Variants in SLC6A20 observed in about 807,000 individuals in gnomAD.
SLC6A20 encodes solute carrier family 6 member 20, also known as sodium- and chloride-dependent transporter XTRP3.
Under a neutral mutation model 64.3 loss-of-function variants are expected in SLC6A20, and 73 were observed. That is an observed-to-expected ratio of 1.14 (90% confidence interval 0.94 to 1.38). SLC6A20 has a LOEUF of 1.38. SLC6A20 is among the 40% of genes most tolerant of loss of function. The probability of loss-of-function intolerance (pLI) is 0.00; values close to 1 mark genes in which losing one functional copy is unlikely to be tolerated. For missense variants in SLC6A20, 725 were observed against 772.8 expected (o/e 0.94, Z 0.73); for synonymous variants, 347 against 329.6 (o/e 1.05, Z -0.57).
chr3:45,796,192 T>C, intron 1 of SLC6A20, 107 bp downstream of exon 1: 1 of 1,498,500 alleles, frequency 6.7e-7, no homozygotes, highest in South Asian at 1.3e-5. Context: ...ACGCTCGCTT[T>C]CCCGGCCTCA....
At chr3:45,786,908 C>T (rs548509840) in intron 1 of SLC6A20, among the ~76,000 whole-genome samples, 15 of 152,310 alleles carry the variant, frequency 9.8e-5, no homozygotes, top group Admixed American at 9.1e-4. Flanking sequence ...CTTACAGTCA[C>T]AGAATTATTG....
chr3:45,796,166 T>A, intron 1 of SLC6A20, 133 bp downstream of exon 1: 2 of 1,470,436 alleles, frequency 1.4e-6, no homozygotes, highest in Non-Finnish European at 1.8e-6. Flanking sequence ...CCCGGGTCTG[T>A]AACTTCGGAC....
chr3:45,794,693 A>C (rs1700318280), intron 1 of SLC6A20, among the ~76,000 whole-genome samples: 4 of 152,216 alleles, frequency 2.6e-5, no homozygotes, highest in African/African-American at 9.7e-5. Flanking sequence ...TTAAGTAGTC[A>C]TGTGACAGTG....
chr3:45,785,236 T>C (rs1336584735), intron 1 of SLC6A20, among the ~76,000 whole-genome samples: 2 of 152,184 alleles, frequency 1.3e-5, no homozygotes. Context: ...GTAGTTGTGA[T>C]GGCTAATACT....
intron 8 of SLC6A20, among the ~76,000 whole-genome samples, chr3:45,764,802 A>G (rs1414404037): frequency 1.3e-5 from 2 of 151,972 alleles, no homozygotes; most frequent in Non-Finnish European, 1.5e-5. Flanking sequence ...AAGGGGTGTG[A>G]AGGAACTGTC....
At chr3:45,768,212 G>A (rs569994100) in intron 7 of SLC6A20, among the ~76,000 whole-genome samples, 1 of 151,912 alleles carries the variant, frequency 6.6e-6, no homozygotes, top group South Asian at 2.1e-4. Flanking sequence ...TCAAGATACT[G>A]TTTAACTTTA....
chr3:45,763,843 G>A (rs1304370882), intron 8 of SLC6A20, among the ~76,000 whole-genome samples: 3 of 152,156 alleles, frequency 2.0e-5, no homozygotes, highest in African/African-American at 7.2e-5. Context: ...CTTTCCACTA[G>A]CACACCGTAC....
chr3:45,794,640 C>T (rs1007522031), intron 1 of SLC6A20, among the ~76,000 whole-genome samples: 10 of 152,188 alleles, frequency 6.6e-5, no homozygotes, highest in African/African-American at 2.2e-4. Context: ...ACATGCATCC[C>T]TCTGCAGACT....
intron 1 of SLC6A20, among the ~76,000 whole-genome samples, chr3:45,786,021 C>A (rs1390006815): frequency 6.6e-6 from 1 of 152,182 alleles, no homozygotes; most frequent in East Asian, 1.9e-4. Context: ...GTGTGAGGGA[C>A]CTTCTGGCTG....
Position 45,777,186 on chromosome 3 carries a change from C to T in SLC6A20, c.355-1198G>A, listed in dbSNP as rs2125647791. Among the ~76,000 whole-genome samples the T allele has an allele frequency of 4.6e-5, 7 of 152,322 alleles. 1 individual carries two copies. In the South Asian group the frequency reaches 1.5e-3, roughly 32 times the overall value. ...CCACTGGGCTCAATCCCATATTTCACAGGAGACAGAACCAAGGCCCGGGGT... is the reference window on the plus strand; with the variant it reads ...CCACTGGGCTCAATCCCATATTTCATAGGAGACAGAACCAAGGCCCGGGGT... On this transcript the variant is annotated intron_variant, in intron 3 of 10. Transcript: ENST00000358525.
intron 1 of SLC6A20, among the ~76,000 whole-genome samples, chr3:45,785,706 C>A (rs867512460): frequency 6.6e-6 from 1 of 151,030 alleles, no homozygotes; most frequent in South Asian, 2.1e-4. Flanking sequence ...CAACTACATG[C>A]CTTAAAGGCA....
chr3:45,782,076 C>A lies in SLC6A20; in HGVS notation c.262+7G>T. The A allele has an allele frequency of 6.3e-7, 1 of 1,599,114 alleles. No individual in the cohort carries two copies. Among genetic ancestry groups the A allele is most frequent in the South Asian group, 1.1e-5 (1 of 88,444 alleles). On this transcript the variant is annotated splice_region_variant and intron_variant, in intron 2 of 10. Transcript: ENST00000358525. Reference sequence around the variant, plus strand: ...GGGTGGGAGAGGACTGGAGGGGCCCCACGTACCGACACCACTGAGGTACGG... The same window carrying A: ...GGGTGGGAGAGGACTGGAGGGGCCCAACGTACCGACACCACTGAGGTACGG...
chr3:45,793,999 T>C (rs1700300315), intron 1 of SLC6A20, among the ~76,000 whole-genome samples: 1 of 152,176 alleles, frequency 6.6e-6, no homozygotes, highest in African/African-American at 2.4e-5. Context: ...CTCCTGTGAC[T>C]CCATCACATC....
intron 3 of SLC6A20, among the ~76,000 whole-genome samples, chr3:45,777,455 T>C (rs1384355221): frequency 6.6e-6 from 1 of 152,220 alleles, no homozygotes; most frequent in African/African-American, 2.4e-5. Flanking sequence ...CCAGAAGTGG[T>C]GTCTCTTGCC....
Position 45,772,549 on chromosome 3 carries a change from G to A in SLC6A20, c.649C>T (p.Leu217Phe). ...ATGAGGCCATTGGTGGCTCCGTGGA[G>A]CGTGAGGCCCCTGATGAGGTAGATG... is the stretch of plus-strand genomic sequence containing the variant. Reference protein sequence around the residue: ...LIIYLIRGLTLHGATNGLMYM... With the variant: ...LIIYLIRGLTFHGATNGLMYM... Residue 217 changes from leucine (L) to phenylalanine (F), a missense_variant, in exon 5 of 11, where the codon CTC (leucine) becomes TTC (phenylalanine). Physicochemically the swap from Leu to Phe is conservative, Grantham distance 22. Coordinates refer to ENST00000358525, the MANE Select transcript of SLC6A20 (RefSeq NM_020208.4). 6.2e-7 allele frequency: 1 copy of A among 1,614,028 alleles called. No homozygotes were observed. The highest frequency in any genetic ancestry group is 8.5e-7 in the Non-Finnish European group (1 of 1,179,964).
At position 45,762,952 on chromosome 3, in the gene SLC6A20, A is replaced by G; in HGVS notation, c.1424T>C (p.Val475Ala). The stretch of plus-strand genomic sequence containing the variant: ...CACGTAGCACACGGCAATCGTCTCC[A>G]CCAGCACGATGAGCAGCAGGGACAG... ...ATLSLLLIVL[V>A]ETIAVCYVYG... The change falls in exon 9 of 11, where the codon GTG (valine) becomes GCG (alanine). Residue 475 changes from valine to alanine, a missense_variant. Val to Ala is a moderately conservative substitution (Grantham distance 64, BLOSUM62 0). Transcript: ENST00000358525. The G allele has an allele frequency of 6.2e-7, 1 of 1,614,086 alleles. No individual in the cohort carries two copies. The highest frequency in any genetic ancestry group is 8.5e-7 in the Non-Finnish European group (1 of 1,180,030).
rs534874542 is a variant in SLC6A20 at position 45,781,882 on chromosome 3, G to T, written c.262+201C>A. Among the ~76,000 whole-genome samples, 4 of 152,190 alleles carry T rather than the reference G, an allele frequency of 2.6e-5. No homozygotes were observed. The East Asian group carries it at 7.7e-4, about 29-fold the overall frequency. ...GGGCATGCATCCTCCCTGTCTTACC[G>T]CCCTGTGGGTAGGAAACCCAGCTCC... On this transcript the variant is annotated intron_variant, in intron 2 of 10. Transcript: ENST00000358525.
intron 7 of SLC6A20, among the ~76,000 whole-genome samples, chr3:45,766,850 G>GT (rs548027270): frequency 5.5e-4 from 83 of 152,272 alleles, no homozygotes; most frequent in African/African-American, 1.7e-3. Context: ...ACAAATTCCT[G>GT]TTTTTTGCTG....
chr3:45,762,244 T>G (rs1171060565), intron 9 of SLC6A20, among the ~76,000 whole-genome samples: 1 of 152,196 alleles, frequency 6.6e-6, no homozygotes, highest in Non-Finnish European at 1.5e-5. Context: ...AGGCCAGTGG[T>G]TCTCAAAGTG....
Sources: gnomAD v4.1 joint callset for allele counts (sites outside exome capture counted in the v4.1 genomes callset) on GRCh38, gnomAD v4.1.1 for gene constraint, MANE v1.5 for transcripts, NCBI Gene and HGNC (gene_info 2026-07-23, HGNC 2026-07-21) for gene names.